Variants in SLCO1B3 observed in about 807,000 individuals in gnomAD.
The protein encoded by SLCO1B3 is liver-specific organic anion transporter 2.
In SLCO1B3, 72 loss-of-function variants were observed where a neutral mutation model predicts 71.8. That is an observed-to-expected ratio of 1.00 (90% CI 0.83 to 1.22). The LOEUF is 1.22. Ranked by LOEUF, SLCO1B3 falls within the 50% of genes most tolerant of loss-of-function variation. The pLI, the probability that SLCO1B3 is intolerant of heterozygous loss-of-function variation, is 0.00. For synonymous variants in SLCO1B3, 298 were observed against 278.4 expected, an observed-to-expected ratio of 1.07 and a Z score of -0.70; for missense variants, 911 against 819.7, an observed-to-expected ratio of 1.11 and a Z score of -1.36.
intron 3 of SLCO1B3, 148 bp from the exon 4 acceptor site, chr12:20,854,880 A>T: frequency 1.5e-6 from 1 of 688,514 alleles, no homozygotes; most frequent in Middle Eastern, 4.1e-4. Flanking sequence ...TAGGGCTGAG[A>T]AGTTTCAACT....
chr12:20,839,755 T>C (rs11045551), intron 3 of SLCO1B3, among the ~76,000 whole-genome samples: 2,803 of 152,214 alleles, frequency 0.018, 77 homozygotes, highest in East Asian at 0.097. Flanking sequence ...ATTTATTCTG[T>C]TTCATATTCT....
intron 13 of SLCO1B3, among the ~76,000 whole-genome samples, chr12:20,887,408 T>C (rs2121326795): frequency 6.6e-6 from 1 of 152,040 alleles, no homozygotes; most frequent in South Asian, 2.1e-4. Context: ...TAATAATAGC[T>C]ATCTTGATGA....
chr12:20,833,822 G>GCA lies in SLCO1B3; in HGVS notation c.84+18009_84+18010dup, dbSNP rs1365475095. The stretch of plus-strand genomic sequence containing the variant: ...AGTGTGTGTGTATATATCTATATAT[G>GCA]CACACACACAGTTTGTGTTTAAATA... On this transcript the variant is annotated intron_variant, in intron 3 of 15. Transcript: ENST00000381545. 3.1e-4 allele frequency among the ~76,000 whole-genome samples: 46 copies of GCA among 146,206 alleles called. 1 individual carries two copies. The highest frequency in any genetic ancestry group is 7.5e-5 in the Non-Finnish European group (5 of 66,810).
chr12:20,865,583 C>T lies in SLCO1B3; in HGVS notation c.727+2729C>T, dbSNP rs59996209. On this transcript the variant is annotated intron_variant, in intron 8 of 15. Transcript: ENST00000381545. Reference sequence around the variant, plus strand: ...AGCACAGATTTGAACTGTGCAGGTCCACTTATACATAGTTTTTTTGATAAA... The same window carrying T: ...AGCACAGATTTGAACTGTGCAGGTCTACTTATACATAGTTTTTTTGATAAA... 6.3e-3 allele frequency among the ~76,000 whole-genome samples: 953 copies of T among 152,050 alleles called. 8 individuals are homozygous for T. Among genetic ancestry groups the T allele is most frequent in the African/African-American group, 0.022 (905 of 41,514 alleles).
rs532901006 is a variant in SLCO1B3 at position 20,843,905 on chromosome 12, T to C, written c.85-11123T>C. Among the ~76,000 whole-genome samples, 57 of 147,288 alleles carry C rather than the reference T, an allele frequency of 3.9e-4. 1 individual carries two copies. The South Asian group carries it at 0.012, about 31-fold the overall frequency. ...CATTGATATTCTTATCTAAACTTTC[T>C]CCATATATATGTGTGTCCCTATGTC... On this transcript the variant is annotated intron_variant, in intron 3 of 15. Transcript: ENST00000381545.
intron 5 of SLCO1B3, among the ~76,000 whole-genome samples, chr12:20,859,953 C>CTTT (rs768328762): frequency 1.2e-3 from 137 of 117,998 alleles, no homozygotes; most frequent in African/African-American, 1.8e-3. Context: ...CTGATCATTT[C>CTTT]TTTTTTTTTT....
chr12:20,877,198 A>C lies in SLCO1B3; in HGVS notation c.971-574A>C, dbSNP rs148962117. On this transcript the variant is annotated intron_variant, in intron 9 of 15. Coordinates refer to ENST00000381545, the MANE Select transcript of SLCO1B3 (RefSeq NM_019844.4). ...TGAGCCCAAAAAGAATAAAGAAGATAATAAGGTGCAAAAAAAGGGGCAACT... is the reference window on the plus strand; with the variant it reads ...TGAGCCCAAAAAGAATAAAGAAGATCATAAGGTGCAAAAAAAGGGGCAACT... Among the ~76,000 whole-genome samples the C allele has an allele frequency of 3.9e-5, 6 of 152,124 alleles. No individual in the cohort carries two copies. The East Asian group carries it at 1.2e-3, about 30-fold the overall frequency.
At chr12:20,833,610 A>G (rs1040394435) in intron 3 of SLCO1B3, among the ~76,000 whole-genome samples, 30 of 148,408 alleles carry the variant, frequency 2.0e-4, no homozygotes, top group Non-Finnish European at 1.5e-5. Flanking sequence ...CACTATATAT[A>G]GTATATAAAA....
intron 10 of SLCO1B3, among the ~76,000 whole-genome samples, chr12:20,878,427 A>T (rs1425744288): frequency 6.6e-6 from 1 of 152,130 alleles, no homozygotes. Context: ...TATTTTAGAG[A>T]GGTTTATTTT....
intron 8 of SLCO1B3, among the ~76,000 whole-genome samples, chr12:20,865,177 T>G (rs1197988668): frequency 6.6e-6 from 1 of 152,082 alleles, no homozygotes; most frequent in East Asian, 1.9e-4. Context: ...AAAACAGTCA[T>G]CAAAATTACA....
chr12:20,869,983 T>C (rs1865448313), intron 8 of SLCO1B3, among the ~76,000 whole-genome samples: 1 of 152,188 alleles, frequency 6.6e-6, no homozygotes, highest in Admixed American at 6.5e-5. Context: ...TCTCCACATC[T>C]ATGCCAACAC....
rs376199890 is a variant in SLCO1B3 at position 20,862,861 on chromosome 12, A to G, written c.727+7A>G. On this transcript the variant is annotated splice_region_variant and intron_variant, in intron 8 of 15. Coordinates refer to ENST00000381545, the MANE Select transcript of SLCO1B3 (RefSeq NM_019844.4). ...ATTGGATATGTAGATCTGAGTAAGT[A>G]CAATTAGAACAAGGTACCATGATAG... 983 of 1,448,530 alleles carry G rather than the reference A, an allele frequency of 6.8e-4. 6 individuals are homozygous for G. Among genetic ancestry groups the G allele is most frequent in the South Asian group, 5.5e-3 (474 of 86,134 alleles). The allele number at this position is 1,448,530 out of a possible 1,614,324, so 89.7% of individuals were successfully genotyped here.
chr12:20,842,234 G>C (rs1864817852), intron 3 of SLCO1B3, among the ~76,000 whole-genome samples: 1 of 152,024 alleles, frequency 6.6e-6, no homozygotes, highest in Non-Finnish European at 1.5e-5. Flanking sequence ...TATCTTAGAG[G>C]TCAGTCTTGT....
intron 3 of SLCO1B3, among the ~76,000 whole-genome samples, chr12:20,847,467 T>A (rs1289721887): frequency 6.6e-6 from 1 of 152,132 alleles, no homozygotes; most frequent in Non-Finnish European, 1.5e-5. Context: ...GTCTTCAACC[T>A]AAAAGAGGGC....
chr12:20,869,979 C>T (rs1389813453), intron 8 of SLCO1B3, among the ~76,000 whole-genome samples: 1 of 152,156 alleles, frequency 6.6e-6, no homozygotes, highest in African/African-American at 2.4e-5. Flanking sequence ...AATATCTCCA[C>T]ATCTATGCCA....
intron 3 of SLCO1B3, among the ~76,000 whole-genome samples, chr12:20,844,394 C>T (rs1294305310): frequency 6.7e-6 from 1 of 149,222 alleles, no homozygotes; most frequent in Non-Finnish European, 1.5e-5. Flanking sequence ...TTGTGAAACC[C>T]CCTCTCTACT....
chr12:20,899,796 G>T (rs145500902), intron 14 of SLCO1B3, among the ~76,000 whole-genome samples: 2 of 152,182 alleles, frequency 1.3e-5, no homozygotes, highest in African/African-American at 2.4e-5. Flanking sequence ...ACATAAAATA[G>T]AAAAAAATTG....
At position 20,858,570 on chromosome 12, in the gene SLCO1B3, T is replaced by C. The variant is rs769732111; in HGVS notation, c.358T>C (p.Tyr120His). 2 of 1,605,924 alleles carry C rather than the reference T, an allele frequency of 1.2e-6. No individual in the cohort carries two copies. The highest frequency in any genetic ancestry group is 1.1e-5 in the South Asian group (1 of 90,688). ...ATCTTTACCACATTTCTTCATGGGA[T>C]AGTAAGTGTTAAACAGCTCTGAGCC... ...LTSLPHFFMGYYRYSKETHIN... is the reference protein window; with the variant it reads ...LTSLPHFFMGHYRYSKETHIN... Residue 120 changes from tyrosine to histidine, a missense_variant and splice_region_variant, in exon 5 of 16, where the codon TAT becomes CAT. Physicochemically the swap from Tyr to His is moderately conservative, Grantham distance 83. Transcript: ENST00000381545.
Position 20,855,622 on chromosome 12 carries a change from A to G in SLCO1B3, c.226+453A>G, listed in dbSNP as rs373603904. 2.8e-3 allele frequency among the ~76,000 whole-genome samples: 421 copies of G among 149,774 alleles called. 17 individuals are homozygous for G. In the South Asian group the frequency reaches 0.085, roughly 30 times the overall value. On this transcript the variant is annotated intron_variant, in intron 4 of 15. Transcript: ENST00000381545. ...ATAGGAGCAACCTACACTAGATTCT[A>G]CTGTTTAACTGTGTACAACATTGGG...
Sources: allele counts gnomAD v4.1 joint callset (sites outside exome capture counted in the v4.1 genomes callset), GRCh38; gene constraint gnomAD v4.1.1; transcripts MANE v1.5; gene names NCBI Gene and HGNC (gene_info 2026-07-23, HGNC 2026-07-21).